Variants in ZMYM2 observed in about 807,000 individuals in gnomAD.
ZMYM2 encodes the protein zinc finger MYM-type protein 2.
ZMYM2 carries 56 observed loss-of-function variants against 162.8 expected under a neutral mutation model. The observed-to-expected ratio is 0.34, with a 90% CI of 0.28 to 0.43. ZMYM2 has a LOEUF of 0.43. Among genes scored for constraint, ZMYM2 ranks in the 20% least tolerant of loss-of-function variants. The pLI is 1.00. For synonymous variants in ZMYM2, 510 were observed against 541.6 expected, an observed-to-expected ratio of 0.94 and a Z score of 0.81; for missense variants, 1,275 against 1,621.8, an observed-to-expected ratio of 0.79 and a Z score of 3.67.
At chr13:20,061,251 G>C in intron 17 of ZMYM2, 27 bp downstream of exon 17, 1 of 1,605,628 alleles carries the variant, frequency 6.2e-7, no homozygotes, top group Non-Finnish European at 8.5e-7. Context: ...TATACCTTGC[G>C]AATAAGTGTT....
chr13:20,077,580 T>C (rs1316929063), intron 21 of ZMYM2, among the ~76,000 whole-genome samples: 1 of 151,782 alleles, frequency 6.6e-6, no homozygotes, highest in Non-Finnish European at 1.5e-5. Context: ...ACATTGAGTT[T>C]TAAATTTTAA....
In ZMYM2 at chr13:19,960,041, C is replaced by G. The variant is rs111387288; in HGVS notation, c.-11+15C>G. ...ACACCCCCATTGTGAGTCCTTTGCC[C>G]CTAATTTGTTGCTAATAGAGGACAT... On this transcript the variant is annotated intron_variant, in intron 2 of 24. Transcript: ENST00000610343. The G allele has an allele frequency of 6.6e-6, 1 of 152,314 alleles. No individual in the cohort carries two copies. Among genetic ancestry groups the G allele is most frequent in the African/African-American group, 2.4e-5 (1 of 41,452 alleles). 9.4% of individuals were successfully genotyped at this position (152,314 alleles called of 1,614,324 possible).
intron 24 of ZMYM2, among the ~76,000 whole-genome samples, chr13:20,085,300 A>G (rs753796584): frequency 5.9e-5 from 9 of 152,126 alleles, no homozygotes; most frequent in Non-Finnish European, 1.2e-4. Flanking sequence ...GGGTGGTCCT[A>G]TTTGGCTGCA....
chr13:20,033,314 A>G (rs148341676), intron 10 of ZMYM2, among the ~76,000 whole-genome samples: 50 of 152,014 alleles, frequency 3.3e-4, no homozygotes, highest in Admixed American at 7.2e-4. Flanking sequence ...TTTTATTTAC[A>G]TGGAGGTTAA....
chr13:19,926,433 G>A, the ZMYM2 span, among the ~76,000 whole-genome samples: 19 of 144,824 alleles, frequency 1.3e-4, no homozygotes, highest in African/African-American at 3.1e-4. Flanking sequence ...GTGCCATCTC[G>A]GCTCACCGCA....
At chr13:20,061,370 A>ACCTC in intron 17 of ZMYM2, 146 bp downstream of exon 17, 1 of 651,288 alleles carries the variant, frequency 1.5e-6, no homozygotes, top group Non-Finnish European at 2.2e-6. Context: ...TTTTTATATT[A>ACCTC]AGAGATCTAC....
chr13:19,884,507 G>C, the ZMYM2 span, among the ~76,000 whole-genome samples: 1 of 152,016 alleles, frequency 6.6e-6, no homozygotes, highest in Non-Finnish European at 1.5e-5. Context: ...GAACCCGAAA[G>C]GCTTGCAGTG....
chr13:19,965,317 C>T (rs1306710920), intron 2 of ZMYM2: 5 of 1,193,848 alleles, frequency 4.2e-6, no homozygotes, highest in Middle Eastern at 2.2e-4. Context: ...GGTTTTGTTA[C>T]TTAACATTAA....
At chr13:20,038,503 C>G (rs1332756780) in intron 12 of ZMYM2, among the ~76,000 whole-genome samples, 5 of 152,140 alleles carry the variant, frequency 3.3e-5, no homozygotes, top group Admixed American at 3.3e-4. Context: ...AGCCAGTTAT[C>G]CCAGCACCGT....
intron 9 of ZMYM2, among the ~76,000 whole-genome samples, chr13:20,028,386 A>C (rs576868711): frequency 6.6e-6 from 1 of 152,322 alleles, no homozygotes; most frequent in Non-Finnish European, 1.5e-5. Flanking sequence ...ATAGCATGCT[A>C]CTTGTCAGAT....
chr13:20,085,206 C>T (rs913042204), intron 24 of ZMYM2, among the ~76,000 whole-genome samples: 8 of 152,116 alleles, frequency 5.3e-5, no homozygotes, highest in African/African-American at 1.9e-4. Context: ...GAACTTTCCA[C>T]TTTTGGTGTC....
chr13:19,899,421 A>G, the ZMYM2 span, among the ~76,000 whole-genome samples: 29 of 152,272 alleles, frequency 1.9e-4, no homozygotes, highest in African/African-American at 6.5e-4. Context: ...ATTAAACTTT[A>G]CACATTAAGG....
chr13:20,086,122 G>A lies in ZMYM2; in HGVS notation c.*108G>A. The A allele has an allele frequency of 8.6e-7, 1 of 1,168,266 alleles. No individual in the cohort carries two copies. The highest frequency in any genetic ancestry group is 1.6e-5 in the South Asian group (1 of 62,432). The allele number at this position is 1,168,266 out of a possible 1,614,324, so 72.4% of individuals were successfully genotyped here. On this transcript the variant is annotated 3_prime_UTR_variant, in exon 25 of 25. Transcript: ENST00000610343. ...GTTTACTCCTTCTGTTTTGAGTTTT[G>A]TAGCAGTGTACCCACGCTGGGTATT...
At chr13:19,930,022 G>T in the ZMYM2 span, among the ~76,000 whole-genome samples, 1 of 152,284 alleles carries the variant, frequency 6.6e-6, no homozygotes, top group East Asian at 1.9e-4. Context: ...ACTTTGGGAG[G>T]CTAGGCAGGA....
the ZMYM2 span, among the ~76,000 whole-genome samples, chr13:19,880,987 C>A: frequency 6.6e-6 from 1 of 151,708 alleles, no homozygotes; most frequent in African/African-American, 2.4e-5. Context: ...CTCCCAGGTT[C>A]AAGCAATTCT....
chr13:20,080,010 A>C (rs1957806077), intron 21 of ZMYM2, among the ~76,000 whole-genome samples: 1 of 152,222 alleles, frequency 6.6e-6, no homozygotes, highest in East Asian at 1.9e-4. Flanking sequence ...TATATTTAGA[A>C]ATCCAGAAAC....
chr13:20,072,676 G>T (rs557741945), intron 21 of ZMYM2, among the ~76,000 whole-genome samples: 1 of 152,104 alleles, frequency 6.6e-6, no homozygotes, highest in South Asian at 2.1e-4. Context: ...ACTTTTTGTG[G>T]TGGGGGTGGC....
At chr13:19,971,090 A>G (rs938223621) in intron 2 of ZMYM2, among the ~76,000 whole-genome samples, 1 of 151,708 alleles carries the variant, frequency 6.6e-6, no homozygotes, top group Non-Finnish European at 1.5e-5. Context: ...AAGTGAACCT[A>G]GATTGTAGGT....
chr13:20,001,913 G>T (rs1372050431), intron 3 of ZMYM2, among the ~76,000 whole-genome samples: 1 of 152,220 alleles, frequency 6.6e-6, no homozygotes, highest in Non-Finnish European at 1.5e-5. Context: ...ACACTTAATA[G>T]ACTACATTAT....
Sources: allele counts gnomAD v4.1 joint callset (sites outside exome capture counted in the v4.1 genomes callset), GRCh38; gene constraint gnomAD v4.1.1; transcripts MANE v1.5; gene names NCBI Gene and HGNC (gene_info 2026-07-23, HGNC 2026-07-21).